TTC23L: variants seen among roughly 807,000 people sequenced by gnomAD.
TTC23L encodes the protein tetratricopeptide repeat domain 23 like, also known as tetratricopeptide repeat protein 23-like.
TTC23L carries 42 observed loss-of-function variants against 48.1 expected under a neutral mutation model. That is an observed-to-expected ratio of 0.87 (90% CI 0.68 to 1.13). The LOEUF (loss-of-function observed/expected upper bound fraction) is 1.13. Among genes scored for constraint, TTC23L ranks in the 50% most tolerant of loss-of-function variants. The pLI is 0.00. For synonymous variants in TTC23L, 159 were observed against 157.2 expected, an observed-to-expected ratio of 1.01 and a Z score of -0.09; for missense variants, 391 against 421.0, an observed-to-expected ratio of 0.93 and a Z score of 0.62.
chr5:34,893,980 G>GTGGT (rs954369897), intron 9 of TTC23L, among the ~76,000 whole-genome samples: 21 of 152,116 alleles, frequency 1.4e-4, no homozygotes, highest in African/African-American at 5.1e-4. Context: ...TATCGTTTTT[G>GTGGT]TGGTAATGAA....
At chr5:34,847,309 G>T (rs1759288969) in intron 3 of TTC23L, among the ~76,000 whole-genome samples, 1 of 152,140 alleles carries the variant, frequency 6.6e-6, no homozygotes, top group African/African-American at 2.4e-5. Flanking sequence ...AGTACCATCT[G>T]CCATGGAGTG....
chr5:34,866,903 C>A, exon 7 of TTC23L: 1 of 1,597,996 alleles, frequency 6.3e-7, no homozygotes, highest in Non-Finnish European at 8.5e-7. Flanking sequence ...GCCTCCTTGG[C>A]CATCCACAGA....
downstream of TTC23L, among the ~76,000 whole-genome samples, chr5:34,901,193 GT>G (rs1163507319): frequency 2.0e-5 from 3 of 151,374 alleles, no homozygotes; most frequent in African/African-American, 7.3e-5. Context: ...AGGCAACGCA[GT>G]TTGTGTTTTT....
chr5:34,887,596 T>G (rs1762617153), intron 9 of TTC23L, among the ~76,000 whole-genome samples: 1 of 152,200 alleles, frequency 6.6e-6, no homozygotes, highest in Non-Finnish European at 1.5e-5. Flanking sequence ...TTAAGAATTG[T>G]GTACAGAATC....
At chr5:34,908,897 A>G in the TTC23L span, 9 of 1,612,054 alleles carry the variant, frequency 5.6e-6, no homozygotes, top group South Asian at 9.9e-5. Context: ...TAGATACCTT[A>G]CAAGATAGGA....
chr5:34,890,566 G>A (rs1762805975), intron 9 of TTC23L, among the ~76,000 whole-genome samples: 1 of 151,760 alleles, frequency 6.6e-6, no homozygotes. Context: ...TACAGATTCT[G>A]ACTTTGATGA....
intron 1 of TTC23L, chr5:34,839,545 G>C: frequency 1.3e-6 from 1 of 786,296 alleles, no homozygotes; most frequent in Non-Finnish European, 1.5e-6. Context: ...CCGGGAGTTT[G>C]AGAGATCAGA....
chr5:34,899,355 G>C (rs1447252538), intron 10 of TTC23L, 35 bp from the exon 11 acceptor site: 1 of 152,696 alleles, frequency 6.5e-6, no homozygotes, highest in African/African-American at 2.4e-5. Flanking sequence ...CAAGAACCAA[G>C]AAAAATGCTC....
downstream of TTC23L, among the ~76,000 whole-genome samples, chr5:34,899,755 G>A (rs1472578639): frequency 6.6e-6 from 1 of 152,268 alleles, no homozygotes; most frequent in African/African-American, 2.4e-5. Flanking sequence ...AGCTGGGCGT[G>A]GTGACACATG....
At chr5:34,872,720 A>G (rs1159601078) in intron 8 of TTC23L, among the ~76,000 whole-genome samples, 1 of 152,198 alleles carries the variant, frequency 6.6e-6, no homozygotes, top group African/African-American at 2.4e-5. Flanking sequence ...TCAATAAGTA[A>G]AAGGAAACTT....
At chr5:34,854,906 A>C (rs1759996462) in intron 4 of TTC23L, among the ~76,000 whole-genome samples, 1 of 152,218 alleles carries the variant, frequency 6.6e-6, no homozygotes, top group African/African-American at 2.4e-5. Context: ...CATGTAATTG[A>C]TTTAAATAAT....
At chr5:34,848,617 G>A (rs528420589) in intron 3 of TTC23L, among the ~76,000 whole-genome samples, 12 of 152,262 alleles carry the variant, frequency 7.9e-5, no homozygotes, top group African/African-American at 2.6e-4. Flanking sequence ...GCCAAAAAAG[G>A]CCTGTTGATA....
At chr5:34,866,918 A>G in exon 7 of TTC23L, 2 of 1,607,040 alleles carry the variant, frequency 1.2e-6, no homozygotes, top group Non-Finnish European at 1.7e-6. Flanking sequence ...CACAGACTGA[A>G]CCTAGCTCTG....
the TTC23L span, chr5:34,918,587 C>A: frequency 1.7e-6 from 1 of 579,982 alleles, no homozygotes; most frequent in Non-Finnish European, 2.9e-6. Context: ...GAAAAAAACA[C>A]AATGCCTTTT....
intron 2 of TTC23L, 40 bp from the exon 3 acceptor site, chr5:34,845,447 A>C (rs2150347370): frequency 6.3e-7 from 1 of 1,576,350 alleles, no homozygotes; most frequent in East Asian, 2.2e-5. Flanking sequence ...TGAGATGGAG[A>C]AGGTTAAATC....
chr5:34,916,027 A>G, the TTC23L span: 1 of 1,105,158 alleles, frequency 9.0e-7, no homozygotes, highest in East Asian at 2.9e-5. Flanking sequence ...CGGTTTTAGC[A>G]ATTCTCCCGG....
At chr5:34,918,635 C>T in the TTC23L span, 81 of 474,892 alleles carry the variant, frequency 1.7e-4, no homozygotes, top group East Asian at 2.6e-3. Flanking sequence ...GTTAACATTT[C>T]GTAAGAAATT....
At chr5:34,886,898 C>G (rs142186065) in intron 9 of TTC23L, among the ~76,000 whole-genome samples, 1 of 152,264 alleles carries the variant, frequency 6.6e-6, no homozygotes, top group Non-Finnish European at 1.5e-5. Context: ...ACCATCCATA[C>G]CCAAGTACTC....
At chr5:34,866,810 T>C in intron 6 of TTC23L, 82 bp from the exon 7 acceptor site, 1 of 1,369,336 alleles carries the variant, frequency 7.3e-7, no homozygotes, top group Non-Finnish European at 9.8e-7. Flanking sequence ...CCAAATTCTT[T>C]AATTCTTGGA....
Sources: allele counts gnomAD v4.1 joint callset (sites outside exome capture counted in the v4.1 genomes callset), GRCh38; gene constraint gnomAD v4.1.1; transcripts MANE v1.5; gene names NCBI Gene and HGNC (gene_info 2026-07-23, HGNC 2026-07-21).